PTPRG: variants seen among roughly 807,000 people sequenced by gnomAD.
The protein encoded by PTPRG is protein tyrosine phosphatase receptor type G, also known as receptor-type tyrosine-protein phosphatase gamma.
In PTPRG, 102 loss-of-function variants were observed where a neutral mutation model predicts 165.3. The ratio of observed to expected loss-of-function variants is 0.62; its 90% CI spans 0.53 to 0.73. PTPRG has a LOEUF of 0.73. Ranked by LOEUF, PTPRG falls within the 30% of genes least tolerant of loss-of-function variation. The pLI, the probability that PTPRG is intolerant of heterozygous loss-of-function variation, is 0.00. For missense variants in PTPRG, 1,866 were observed against 1,861.4 expected (o/e 1.00, Z -0.05); for synonymous variants, 675 against 669.5 (o/e 1.01, Z -0.13).
At position 61,778,323 on chromosome 3, in the gene PTPRG, G is replaced by A. The variant is rs557610334; in HGVS notation, c.190+29341G>A. Among the ~76,000 whole-genome samples, 9 of 152,188 alleles carry A rather than the reference G, an allele frequency of 5.9e-5. No homozygotes were observed. In the South Asian group the frequency reaches 1.2e-3, roughly 21 times the overall value. On this transcript the variant is annotated intron_variant, in intron 2 of 29. Transcript: ENST00000474889. ...TTCTTATTGGCCACTTGGTGTTCACGCCATGTAAATGAAGTAGTGGCCCAC... is the reference window on the plus strand; with the variant it reads ...TTCTTATTGGCCACTTGGTGTTCACACCATGTAAATGAAGTAGTGGCCCAC...
intron 1 of PTPRG, among the ~76,000 whole-genome samples, chr3:61,581,629 T>C (rs1700297742): frequency 8.1e-6 from 1 of 123,132 alleles, no homozygotes; most frequent in Admixed American, 8.6e-5. Flanking sequence ...TTTTTTTTTA[T>C]GAGACAGTCT....
At chr3:61,862,460 C>T (rs1025824133) in intron 2 of PTPRG, among the ~76,000 whole-genome samples, 2 of 150,494 alleles carry the variant, frequency 1.3e-5, no homozygotes, top group Non-Finnish European at 2.9e-5. Context: ...TGGCTCACCA[C>T]AACCTCCACC....
intron 9 of PTPRG, among the ~76,000 whole-genome samples, chr3:62,193,017 C>G (rs1426344195): frequency 2.0e-5 from 3 of 152,154 alleles, no homozygotes; most frequent in Non-Finnish European, 4.4e-5. Context: ...ACATTGTTAT[C>G]TGGGTCACGT....
chr3:62,138,420 G>T (rs1485545439), intron 6 of PTPRG, among the ~76,000 whole-genome samples: 1 of 152,140 alleles, frequency 6.6e-6, no homozygotes, highest in Non-Finnish European at 1.5e-5. Flanking sequence ...ACTGGTCCAT[G>T]TTAAGAAATG....
chr3:62,050,898 A>G (rs574630980), intron 4 of PTPRG, among the ~76,000 whole-genome samples: 108 of 152,326 alleles, frequency 7.1e-4, no homozygotes, highest in African/African-American at 2.5e-3. Flanking sequence ...ACCTTTCTAA[A>G]TATTTCCGGA....
chr3:62,168,752 C>A (rs1576088773), intron 8 of PTPRG, among the ~76,000 whole-genome samples: 1 of 152,172 alleles, frequency 6.6e-6, no homozygotes, highest in East Asian at 1.9e-4. Context: ...TTACAGTGGG[C>A]TCTTTCAGCC....
chr3:61,999,951 CT>C lies in PTPRG; in HGVS notation c.371-3391del, dbSNP rs370025260. On this transcript the variant is annotated intron_variant, in intron 3 of 29. Transcript: ENST00000474889. ...AGAAATAATTCAGAAAAGGCAGTAT[CT>C]TTTTTTATTCTGTTTTAGTGAACTA... 7.9e-3 allele frequency among the ~76,000 whole-genome samples: 1,197 copies of C among 152,150 alleles called. 24 individuals are homozygous for C. Among genetic ancestry groups the C allele is most frequent in the African/African-American group, 0.028 (1,150 of 41,514 alleles).
In PTPRG at chr3:62,255,219, T is replaced by C. The variant is rs1394304832; in HGVS notation, c.2559+4T>C. ...TGGGTTCTCTGAGGATTTTGAGGTA[T>C]GTTTCAAGGCTGGAAGTTAACTTCC... On this transcript the variant is annotated splice_donor_region_variant and intron_variant, in intron 16 of 29. Coordinates refer to ENST00000474889, the MANE Select transcript of PTPRG (RefSeq NM_002841.4). This position sits in a 1 kb window ranked among gnomAD's most constrained non-coding sequence, Gnocchi z 4.0. The C allele has an allele frequency of 6.2e-7, 1 of 1,608,242 alleles. No homozygotes were observed. Among genetic ancestry groups the C allele is most frequent in the Non-Finnish European group, 8.5e-7 (1 of 1,176,142 alleles).
chr3:61,697,884 T>C (rs2030701101), intron 1 of PTPRG, among the ~76,000 whole-genome samples: 1 of 152,172 alleles, frequency 6.6e-6, no homozygotes, highest in African/African-American at 2.4e-5. Context: ...TGAGCACACA[T>C]AAACATTCAG....
intron 4 of PTPRG, among the ~76,000 whole-genome samples, chr3:62,070,753 C>G (rs551605722): frequency 1.2e-4 from 19 of 152,274 alleles, no homozygotes; most frequent in Non-Finnish European, 2.5e-4. Flanking sequence ...CTGGCAGATT[C>G]ACTGTGTTTG....
At chr3:62,008,809 T>C (rs2041354312) in intron 4 of PTPRG, among the ~76,000 whole-genome samples, 1 of 152,196 alleles carries the variant, frequency 6.6e-6, no homozygotes, top group Non-Finnish European at 1.5e-5. Context: ...TTTGTGCTCC[T>C]ATGAGAATGT....
intron 8 of PTPRG, among the ~76,000 whole-genome samples, chr3:62,181,751 T>C (rs1261362166): frequency 6.6e-6 from 1 of 152,204 alleles, no homozygotes; most frequent in Non-Finnish European, 1.5e-5. Context: ...TTTCGAAATA[T>C]CTTTAAAATT....
At chr3:62,187,480 A>G (rs1699690968) in intron 8 of PTPRG, among the ~76,000 whole-genome samples, 2 of 152,216 alleles carry the variant, frequency 1.3e-5, no homozygotes, top group Non-Finnish European at 2.9e-5. Flanking sequence ...CAACACATGA[A>G]AATCCTATGA....
intron 1 of PTPRG, among the ~76,000 whole-genome samples, chr3:61,676,497 ATTAGTACATT>A (rs1703235592): frequency 6.7e-6 from 1 of 149,790 alleles, no homozygotes; most frequent in South Asian, 2.1e-4. Flanking sequence ...AGTCTGTGAA[ATTAGTACATT>A]TTCTGAATAC....
intron 1 of PTPRG, among the ~76,000 whole-genome samples, chr3:61,706,536 C>T (rs1229428260): frequency 6.6e-6 from 1 of 151,216 alleles, no homozygotes; most frequent in African/African-American, 2.4e-5. Flanking sequence ...TCTTGTCCCC[C>T]AGGCTGAAAT....
At chr3:61,855,328 AT>A (rs1174425870) in intron 2 of PTPRG, among the ~76,000 whole-genome samples, 5 of 152,136 alleles carry the variant, frequency 3.3e-5, no homozygotes, top group Non-Finnish European at 5.9e-5. Flanking sequence ...TTTTGTAGTC[AT>A]CTCATTGCAG....
At chr3:61,992,251 T>TA (rs1381950482) in intron 3 of PTPRG, among the ~76,000 whole-genome samples, 2 of 150,590 alleles carry the variant, frequency 1.3e-5, no homozygotes, top group Non-Finnish European at 3.0e-5. Flanking sequence ...ATTTTTGCAT[T>TA]TTTTTTTTTA....
chr3:61,835,805 G>A (rs1051998391), intron 2 of PTPRG, among the ~76,000 whole-genome samples: 9 of 151,826 alleles, frequency 5.9e-5, no homozygotes, highest in African/African-American at 1.2e-4. Flanking sequence ...TTGGGAGGCC[G>A]AGGTGGGTGG....
chr3:61,756,963 C>G (rs1374682640), intron 2 of PTPRG, among the ~76,000 whole-genome samples: 1 of 152,152 alleles, frequency 6.6e-6, no homozygotes, highest in East Asian at 1.9e-4. Context: ...ATCTTTCATC[C>G]AGCACTTCTG....
Sources: gnomAD v4.1 joint callset for allele counts (sites outside exome capture counted in the v4.1 genomes callset) on GRCh38, gnomAD v4.1.1 for gene constraint, Gnocchi (gnomAD v3.1) non-coding constraint, MANE v1.5 for transcripts, NCBI Gene and HGNC (gene_info 2026-07-23, HGNC 2026-07-21) for gene names.